The following CASD1 variants were observed in gnomAD, a reference collection of about 807,000 sequenced individuals.
The protein encoded by CASD1 is CAS1 domain sialic acid O acetyltransferase 1, also known as N-acetylneuraminate (7)9-O-acetyltransferase.
In CASD1, 41 loss-of-function variants were observed where a neutral mutation model predicts 100.0. That is an observed-to-expected ratio of 0.41 (90% CI 0.32 to 0.53). The LOEUF is 0.53. Among genes scored for constraint, CASD1 ranks in the 20% least tolerant of loss-of-function variants. The pLI is 0.25. For missense variants in CASD1, 774 were observed against 948.7 expected (o/e 0.82, Z 2.42); for synonymous variants, 321 against 315.6 (o/e 1.02, Z -0.18).
rs1470002114 is a variant in CASD1, at chr7:94,544,466, C to A, written c.1412C>A (p.Thr471Lys). Residue 471 changes from threonine to lysine, a missense_variant, in exon 11 of 18, where the codon ACA becomes AAA. By Grantham distance (78) the Thr-to-Lys change is moderately conservative. Around this residue, in one of 5 missense-constraint regions of CASD1, gnomAD observed 453 missense variants for 532.6 expected, o/e 0.85. Transcript: ENST00000297273. ...RVLVAAYLFQTGYGHFSYFWI... is the reference protein window; with the variant it reads ...RVLVAAYLFQKGYGHFSYFWI... ...CTGGTTGCTGCATATTTATTTCAGACAGGGTATGGGCATTTCTCATACTTT... is the reference window on the plus strand; with the variant it reads ...CTGGTTGCTGCATATTTATTTCAGAAAGGGTATGGGCATTTCTCATACTTT... The A allele has an allele frequency of 6.2e-7, 1 of 1,613,106 alleles. No homozygotes were observed. Among genetic ancestry groups the A allele is most frequent in the South Asian group, 1.1e-5 (1 of 91,014 alleles).
the CASD1 span, among the ~76,000 whole-genome samples, chr7:94,565,605 T>A: frequency 6.6e-6 from 1 of 152,146 alleles, no homozygotes; most frequent in South Asian, 2.1e-4. Context: ...GATGCTTCCC[T>A]CCACCAGGAC....
At chr7:94,628,135 A>AATACAC in the CASD1 span, 7 of 1,043,332 alleles carry the variant, frequency 6.7e-6, no homozygotes, top group Non-Finnish European at 9.8e-6. Context: ...CTCAAATTAC[A>AATACAC]ATACACACAC....
intron 2 of CASD1, among the ~76,000 whole-genome samples, 183 bp downstream of exon 2, chr7:94,517,839 A>T (rs898319148): frequency 6.6e-6 from 1 of 152,228 alleles, no homozygotes; most frequent in Non-Finnish European, 1.5e-5. Flanking sequence ...GCTTTGGCCA[A>T]TCTGCTTTAT....
At chr7:94,579,561 G>A in the CASD1 span, among the ~76,000 whole-genome samples, 4 of 152,106 alleles carry the variant, frequency 2.6e-5, no homozygotes, top group Non-Finnish European at 5.9e-5. Context: ...TTTGTGAAAT[G>A]TCAATAAAAT....
chr7:94,522,023 G>A (rs1282291534), intron 3 of CASD1, among the ~76,000 whole-genome samples: 1 of 152,188 alleles, frequency 6.6e-6, no homozygotes, highest in Non-Finnish European at 1.5e-5. Flanking sequence ...GGCGGAGCTT[G>A]CAGTGAGCCG....
At chr7:94,562,433 T>C in the CASD1 span, among the ~76,000 whole-genome samples, 1 of 152,160 alleles carries the variant, frequency 6.6e-6, no homozygotes, top group Non-Finnish European at 1.5e-5. Context: ...GTAGTAGTAA[T>C]ATTTTTGCCT....
chr7:94,603,346 T>G, the CASD1 span: 837 of 1,612,732 alleles, frequency 5.2e-4, 2 homozygotes, highest in African/African-American at 9.9e-3. Context: ...TTATCACATG[T>G]TATTACAGGC....
chr7:94,566,886 C>T, the CASD1 span, among the ~76,000 whole-genome samples: 1 of 152,114 alleles, frequency 6.6e-6, no homozygotes, highest in South Asian at 2.1e-4. Flanking sequence ...GTCTTAACTA[C>T]CCCTCGGCTC....
At chr7:94,527,421 C>T (rs916008467) in intron 4 of CASD1, among the ~76,000 whole-genome samples, 2 of 152,080 alleles carry the variant, frequency 1.3e-5, no homozygotes, top group Non-Finnish European at 2.9e-5. Context: ...AGTATGTGTT[C>T]CGGGTTAATG....
At chr7:94,632,613 A>G in the CASD1 span, among the ~76,000 whole-genome samples, 5 of 152,122 alleles carry the variant, frequency 3.3e-5, no homozygotes, top group African/African-American at 1.2e-4. Context: ...ATGGAAAATG[A>G]CTAAGCCACT....
chr7:94,612,403 A>G, the CASD1 span, among the ~76,000 whole-genome samples: 2 of 152,188 alleles, frequency 1.3e-5, no homozygotes, highest in Non-Finnish European at 2.9e-5. Flanking sequence ...ATTTTAATCT[A>G]ATTGCAATAA....
At chr7:94,617,686 G>A in the CASD1 span, 1 of 152,184 alleles carries the variant, frequency 6.6e-6, no homozygotes, top group African/African-American at 2.4e-5. Flanking sequence ...TTCTATGTAT[G>A]CTTGACTGAT....
the CASD1 span, chr7:94,624,223 T>C: frequency 1.5e-5 from 6 of 396,864 alleles, no homozygotes; most frequent in African/African-American, 8.3e-5. Context: ...ACTAACCTTC[T>C]GGCAATGATT....
At chr7:94,545,411 T>C in intron 11 of CASD1, 134 bp from the exon 12 acceptor site, 1 of 557,498 alleles carries the variant, frequency 1.8e-6, no homozygotes, top group Non-Finnish European at 3.2e-6. Flanking sequence ...GGATTAGTAA[T>C]ATATACTTGT....
Position 94,544,477 on chromosome 7 carries a change from C to T in CASD1, c.1423C>T (p.His475Tyr). ...AAYLFQTGYG[H>Y]FSYFWIKGDF... Reference sequence around the variant, plus strand: ...ATATTTATTTCAGACAGGGTATGGGCATTTCTCATACTTTTGGATAAAAGG... The same window carrying T: ...ATATTTATTTCAGACAGGGTATGGGTATTTCTCATACTTTTGGATAAAAGG... The change falls in exon 11 of 18, where the codon CAT becomes TAT. Residue 475 changes from histidine (H) to tyrosine (Y), a missense_variant. His to Tyr is a moderately conservative substitution (Grantham distance 83). Coordinates refer to ENST00000297273, the MANE Select transcript of CASD1 (RefSeq NM_022900.5). 6.2e-7 allele frequency: 1 copy of T among 1,612,904 alleles called. No individual in the cohort carries two copies. The highest frequency in any genetic ancestry group is 8.5e-7 in the Non-Finnish European group (1 of 1,179,208).
chr7:94,634,164 TA>T, the CASD1 span, among the ~76,000 whole-genome samples: 24 of 152,202 alleles, frequency 1.6e-4, no homozygotes, highest in Non-Finnish European at 7.4e-5. Context: ...CTAATCACTT[TA>T]AAATGTCCAT....
the CASD1 span, among the ~76,000 whole-genome samples, chr7:94,604,858 T>A: frequency 3.9e-3 from 296 of 75,110 alleles, 1 homozygote; most frequent in Non-Finnish European, 5.6e-3. Flanking sequence ...TATATATATA[T>A]AATAGTTGTT....
rs1024882339 is a variant in CASD1 at position 94,556,637 on chromosome 7, C to A, written c.*879C>A. ...CCATTTGGTATTTCCTATTACCCACCTCCTATTTTAAATATTTATCAGTCT... is the reference window on the plus strand; with the variant it reads ...CCATTTGGTATTTCCTATTACCCACATCCTATTTTAAATATTTATCAGTCT... On this transcript the variant is annotated 3_prime_UTR_variant, in exon 18 of 18. Transcript: ENST00000297273. The A allele has an allele frequency of 7.9e-5, 12 of 151,886 alleles. No individual in the cohort carries two copies. The highest frequency in any genetic ancestry group is 2.9e-4 in the African/African-American group (12 of 41,376). The allele number at this position is 151,886 out of a possible 1,614,324, so 9.4% of individuals were successfully genotyped here.
chr7:94,546,335 C>G (rs1357989590), intron 12 of CASD1, among the ~76,000 whole-genome samples: 1 of 151,896 alleles, frequency 6.6e-6, no homozygotes, highest in Non-Finnish European at 1.5e-5. Context: ...TATCTTAATG[C>G]TTTCTTCACC....
Sources: gnomAD v4.1 joint callset for allele counts (sites outside exome capture counted in the v4.1 genomes callset) on GRCh38, gnomAD v4.1.1 for gene constraint, gnomAD v4.1.1 regional missense constraint, MANE v1.5 for transcripts, NCBI Gene and HGNC (gene_info 2026-07-23, HGNC 2026-07-21) for gene names.